The following ITGB2 variants were observed in gnomAD, a reference collection of about 807,000 sequenced individuals.
The protein encoded by ITGB2 is integrin beta-2.
In ITGB2, 56 loss-of-function variants were observed where a neutral mutation model predicts 86.8. The observed-to-expected ratio is 0.65, with a 90% CI of 0.52 to 0.81. ITGB2 has a LOEUF of 0.81. ITGB2 is among the 30% of genes least tolerant of loss of function. ITGB2 has a pLI of 0.00. For missense variants in ITGB2, 948 were observed against 1,061.2 expected, an observed-to-expected ratio of 0.89 and a Z score of 1.48; for synonymous variants, 457 against 450.4, an observed-to-expected ratio of 1.01 and a Z score of -0.19.
chr21:44,895,875 TA>T (rs1034372112), intron 8 of ITGB2, among the ~76,000 whole-genome samples: 3 of 132,808 alleles, frequency 2.3e-5, no homozygotes, highest in Admixed American at 7.2e-5. Context: ...TGAAATGAAA[TA>T]AAAAAATAAA....
intron 1 of ITGB2, among the ~76,000 whole-genome samples, chr21:44,919,093 C>T (rs1379403388): frequency 5.0e-5 from 7 of 140,344 alleles, no homozygotes; most frequent in African/African-American, 5.4e-5. Context: ...AGTGACGCTG[C>T]GGAGCTGACA....
rs759846070 is a variant in ITGB2 at position 44,889,355 on chromosome 21, C to T, written c.1798G>A (p.Val600Ile). Residue 600 changes from valine (V) to isoleucine (I), a missense_variant, in exon 13 of 16, where the codon GTA becomes ATA. Val to Ile is a conservative substitution (Grantham distance 29, BLOSUM62 3). Transcript: ENST00000652462. ...TGGTAGCCTGAATGGCACTCGCATACGTTGCAGCGGCACCGGCCACGACCA... is the reference window on the plus strand; with the variant it reads ...TGGTAGCCTGAATGGCACTCGCATATGTTGCAGCGGCACCGGCCACGACCA... ...CSGRGRCRCNVCECHSGYQLP... is the reference protein window; with the variant it reads ...CSGRGRCRCNICECHSGYQLP... The T allele has an allele frequency of 1.2e-5, 19 of 1,612,808 alleles. No homozygotes were observed. Among genetic ancestry groups the T allele is most frequent in the African/African-American group, 8.0e-5 (6 of 74,892 alleles).
intron 9 of ITGB2, chr21:44,894,437 T>TACCTATGCCC (rs1239128744): frequency 2.0e-5 from 4 of 198,752 alleles, no homozygotes; most frequent in Non-Finnish European, 4.2e-5. Flanking sequence ...CACCTATGCC[T>TACCTATGCCC]ACCTATGCCC....
chr21:44,887,969 C>A (rs138576253), intron 14 of ITGB2, among the ~76,000 whole-genome samples: 190 of 152,312 alleles, frequency 1.2e-3, no homozygotes, highest in South Asian at 0.011. Context: ...CAGCGGCCCC[C>A]CAGCCCCAGC....
At chr21:44,919,029 A>AGCACTCGGAGGTGCCTTCG (rs1568909711) in intron 1 of ITGB2, among the ~76,000 whole-genome samples, 1 of 146,360 alleles carries the variant, frequency 6.8e-6, no homozygotes, top group African/African-American at 2.6e-5. Context: ...AGGCACCTGC[A>AGCACTCGGAGGTGCCTTCG]GTTGCTCAGC....
intron 5 of ITGB2, among the ~76,000 whole-genome samples, chr21:44,902,112 C>T (rs1568893855): frequency 6.6e-6 from 1 of 152,146 alleles, no homozygotes; most frequent in Non-Finnish European, 1.5e-5. Flanking sequence ...TGTGTGTGCA[C>T]GTATTCCTGT....
intron 9 of ITGB2, chr21:44,894,548 C>G: frequency 3.4e-6 from 1 of 293,310 alleles, no homozygotes; most frequent in South Asian, 3.2e-5. Flanking sequence ...TGGAGCTTGC[C>G]CAGGACAGGT....
chr21:44,915,845 C>A (rs893919544), intron 1 of ITGB2, among the ~76,000 whole-genome samples: 1 of 152,126 alleles, frequency 6.6e-6, no homozygotes, highest in African/African-American at 2.4e-5. Context: ...CCTGCAAAAG[C>A]GTATTTTCCC....
chr21:44,905,586 T>C (rs1178013581), intron 4 of ITGB2, among the ~76,000 whole-genome samples: 1 of 152,138 alleles, frequency 6.6e-6, no homozygotes, highest in African/African-American at 2.4e-5. Flanking sequence ...GGAAAATACA[T>C]CAGAGCTGCC....
In ITGB2 at chr21:44,885,968, T is replaced by C; in HGVS notation, c.*400A>G. 2 of 295,354 alleles carry C rather than the reference T, an allele frequency of 6.8e-6. No homozygotes were observed. The highest frequency in any genetic ancestry group is 6.3e-5 in the South Asian group (2 of 31,966). 18.3% of individuals were successfully genotyped at this position (295,354 alleles called of 1,614,324 possible). ...CAGTGCCCAGTTTCCATGGACAGCC[T>C]GTATTGAAGTTTTATTTTTTTTCTA... is the stretch of plus-strand genomic sequence containing the variant. On this transcript the variant is annotated 3_prime_UTR_variant, in exon 16 of 16. Coordinates refer to ENST00000652462, the MANE Select transcript of ITGB2 (RefSeq NM_000211.5).
chr21:44,914,862 G>C (rs1240728708), intron 1 of ITGB2, among the ~76,000 whole-genome samples: 3 of 152,138 alleles, frequency 2.0e-5, no homozygotes, highest in Non-Finnish European at 2.9e-5. Flanking sequence ...GCGCCCAGGA[G>C]GGAGAGACTG....
chr21:44,920,928 A>G (rs2070947), upstream of ITGB2: 33,323 of 152,340 alleles, frequency 0.22, 4,491 homozygotes, highest in Non-Finnish European at 0.3. Flanking sequence ...CGCGGGTCGT[A>G]AAGTCCTGAC....
Position 44,906,784 on chromosome 21 carries a change from C to T in ITGB2, c.328+131G>A, listed in dbSNP as rs955481006. On this transcript the variant is annotated intron_variant, in intron 4 of 15. Transcript: ENST00000652462. The stretch of plus-strand genomic sequence containing the variant: ...TCCAGCAGCCTTGGGGCTTCACTGG[C>T]CCACACACCCGTCCGACCCGGACAC... The T allele has an allele frequency of 2.4e-5, 22 of 933,524 alleles. No homozygotes were observed. The South Asian group carries it at 2.7e-4, about 11-fold the overall frequency. 57.8% of individuals were successfully genotyped at this position (933,524 alleles called of 1,614,324 possible). A position where few individuals can be genotyped will look rare whatever the true frequency, so the allele number is the denominator to read the frequency against.
In ITGB2 at chr21:44,912,688, G is replaced by C. The variant is rs140723251; in HGVS notation, c.-3-1903C>G. Among the ~76,000 whole-genome samples, 325 of 152,140 alleles carry C rather than the reference G, an allele frequency of 2.1e-3. 2 individuals carry two copies. Among genetic ancestry groups the C allele is most frequent in the African/African-American group, 7.6e-3 (317 of 41,474 alleles). On this transcript the variant is annotated intron_variant, in intron 1 of 15. Transcript: ENST00000652462. Reference sequence around the variant, plus strand: ...GAGGCCAGTTCCAGCTCTCCATCTGGGCCCCCTCAAAGTCCTGCGCCTGGA... The same window carrying C: ...GAGGCCAGTTCCAGCTCTCCATCTGCGCCCCCTCAAAGTCCTGCGCCTGGA...
intron 1 of ITGB2, among the ~76,000 whole-genome samples, chr21:44,917,193 A>T (rs889603152): frequency 6.6e-6 from 1 of 152,216 alleles, no homozygotes. Context: ...GTAGCCGTCA[A>T]CGTGTAAGAT....
Position 44,891,787 on chromosome 21 carries a change from C to T in ITGB2, c.1412+22G>A, listed in dbSNP as rs200732702. 7.2e-4 allele frequency: 1,149 copies of T among 1,600,200 alleles called. 20 individuals are homozygous for T. In the South Asian group the frequency reaches 0.01, roughly 15 times the overall value. ...GGGGTGGGGCTCGGGGATGGTTCAA[C>T]AGGGACCTGCGCCCGCCTCACCTGC... On this transcript the variant is annotated intron_variant, in intron 11 of 15. Coordinates refer to ENST00000652462, the MANE Select transcript of ITGB2 (RefSeq NM_000211.5).
intron 14 of ITGB2, 54 bp downstream of exon 14, chr21:44,888,639 G>T: frequency 6.3e-7 from 1 of 1,579,822 alleles, no homozygotes; most frequent in Non-Finnish European, 8.6e-7. Flanking sequence ...CCTCTGCGGA[G>T]ACCCCGCAGC....
At chr21:44,898,475 G>T (rs2083900503) in intron 8 of ITGB2, among the ~76,000 whole-genome samples, 1 of 152,218 alleles carries the variant, frequency 6.6e-6, no homozygotes, top group Non-Finnish European at 1.5e-5. Flanking sequence ...AGTCCTTCCG[G>T]CAAATCACTG....
At position 44,901,251 on chromosome 21, in the gene ITGB2, A is replaced by G. The variant is rs548533521; in HGVS notation, c.741+241T>C. Among the ~76,000 whole-genome samples, 4 of 152,324 alleles carry G rather than the reference A, an allele frequency of 2.6e-5. No individual in the cohort carries two copies. The South Asian group carries it at 8.3e-4, about 32-fold the overall frequency. The stretch of plus-strand genomic sequence containing the variant: ...TCATAAGGTTTGCCCAGGGTCACAA[A>G]TTTAACTCACAGCAAACAATGAAAT... On this transcript the variant is annotated intron_variant, in intron 6 of 15. Coordinates refer to ENST00000652462, the MANE Select transcript of ITGB2 (RefSeq NM_000211.5).
Sources: allele counts gnomAD v4.1 joint callset (sites outside exome capture counted in the v4.1 genomes callset), GRCh38; gene constraint gnomAD v4.1.1; transcripts MANE v1.5; gene names NCBI Gene and HGNC (gene_info 2026-07-23, HGNC 2026-07-21).